Variants in ZDHHC13 observed in about 807,000 individuals in gnomAD.
ZDHHC13 encodes palmitoyltransferase ZDHHC13.
In ZDHHC13, 85 loss-of-function variants were observed where a neutral mutation model predicts 86.0. The observed-to-expected ratio is 0.99, with a 90% confidence interval of 0.83 to 1.18. ZDHHC13 has a LOEUF of 1.18. Among genes scored for constraint, ZDHHC13 ranks in the 50% most tolerant of loss-of-function variants. The pLI, the probability that ZDHHC13 is intolerant of heterozygous loss-of-function variation, is 0.00. For synonymous variants in ZDHHC13, 263 were observed against 246.4 expected, an observed-to-expected ratio of 1.07 and a Z score of -0.63; for missense variants, 711 against 730.2, an observed-to-expected ratio of 0.97 and a Z score of 0.30.
intron 5 of ZDHHC13, 34 bp downstream of exon 5, chr11:19,149,365 T>A: frequency 6.6e-7 from 1 of 1,505,576 alleles, no homozygotes; most frequent in Non-Finnish European, 9.0e-7. Context: ...ACTCCAGTTT[T>A]TATCATCTGA....
chr11:19,158,910 A>G, intron 9 of ZDHHC13, 30 bp from the exon 10 acceptor site: 1 of 1,376,906 alleles, frequency 7.3e-7, no homozygotes, highest in Non-Finnish European at 9.9e-7. Context: ...AAGTCATACT[A>G]ATAACTTATA....
chr11:19,141,093 A>G (rs891187817), intron 1 of ZDHHC13, among the ~76,000 whole-genome samples: 6 of 151,936 alleles, frequency 3.9e-5, no homozygotes, highest in African/African-American at 1.4e-4. Context: ...AAGAAAAAAA[A>G]GTACTGATTC....
At position 19,162,725 on chromosome 11, in the gene ZDHHC13, G is replaced by A. The variant is rs1198695313; in HGVS notation, c.1109-578G>A. Among the ~76,000 whole-genome samples, 4 of 152,136 alleles carry A rather than the reference G, an allele frequency of 2.6e-5. No homozygotes were observed. The South Asian group carries it at 6.2e-4, about 24-fold the overall frequency. The stretch of plus-strand genomic sequence containing the variant: ...AAAATTCAGTCAGCTCAGCGTGCAG[G>A]ATCATTGCATTATGAAACTGAACGT... On this transcript the variant is annotated intron_variant, in intron 10 of 16. Transcript: ENST00000446113.
chr11:19,135,293 G>A (rs1849106283), intron 1 of ZDHHC13, among the ~76,000 whole-genome samples: 3 of 152,222 alleles, frequency 2.0e-5, no homozygotes. Context: ...CCCTTTCCTA[G>A]TCAAAGAAAG....
At chr11:19,139,622 AAAG>A (rs1849250305) in intron 1 of ZDHHC13, among the ~76,000 whole-genome samples, 1 of 151,536 alleles carries the variant, frequency 6.6e-6, no homozygotes, top group African/African-American at 2.4e-5. Context: ...TCCTAAGCCA[AAAG>A]AACAAAGCTG....
In ZDHHC13 at chr11:19,176,184, C is replaced by A; in HGVS notation, c.*224C>A. ...CTTGGCAGACATCTAAAAAAAAAAC[C>A]ATATTTTTCACAAGAAAATGCAAGT... is the stretch of plus-strand genomic sequence containing the variant. On this transcript the variant is annotated 3_prime_UTR_variant, in exon 17 of 17. Coordinates refer to ENST00000446113, the MANE Select transcript of ZDHHC13 (RefSeq NM_019028.3). The A allele has an allele frequency of 2.8e-6, 1 of 363,388 alleles. No individual in the cohort carries two copies. Among genetic ancestry groups the A allele is most frequent in the South Asian group, 9.2e-5 (1 of 10,860 alleles). The allele number at this position is 363,388 out of a possible 1,614,324, so 22.5% of individuals were successfully genotyped here.
chr11:19,146,254 G>T lies in ZDHHC13; in HGVS notation c.247G>T (p.Val83Leu), dbSNP rs376945349. ...YDVRQPDKEN[V>L]SLLHWAAINN... Reference sequence around the variant, plus strand: ...TGTCAGGCAACCAGATAAAGAAAATGTGTCGCTTCTTCATTGGGCTGCTAT... The same window carrying T: ...TGTCAGGCAACCAGATAAAGAAAATTTGTCGCTTCTTCATTGGGCTGCTAT... The change falls in exon 3 of 17, where the codon GTG becomes TTG. Residue 83 changes from valine to leucine, a missense_variant. Physicochemically the swap from Val to Leu is conservative, Grantham distance 32 (BLOSUM62 1). Transcript: ENST00000446113. 1 of 1,613,144 alleles carries T rather than the reference G, an allele frequency of 6.2e-7. No individual in the cohort carries two copies. The highest frequency in any genetic ancestry group is 8.5e-7 in the Non-Finnish European group (1 of 1,179,522).
At chr11:19,168,122 A>G (rs1475769623) in intron 14 of ZDHHC13, 1 of 152,190 alleles carries the variant, frequency 6.6e-6, no homozygotes, top group East Asian at 1.9e-4. Flanking sequence ...AAAACTTCTT[A>G]GATTATGTCT....
chr11:19,164,908 C>CA (rs1850014959), intron 12 of ZDHHC13, 144 bp from the exon 13 acceptor site: 1 of 639,542 alleles, frequency 1.6e-6, no homozygotes, highest in African/African-American at 1.8e-5. Flanking sequence ...ACTAATAAGG[C>CA]ATTCCACAGC....
At chr11:19,152,352 T>A in intron 7 of ZDHHC13, 32 bp downstream of exon 7, 2 of 1,602,318 alleles carry the variant, frequency 1.2e-6, no homozygotes, top group Non-Finnish European at 1.7e-6. Flanking sequence ...CCTTAGTTTA[T>A]TATATCTTGA....
At position 19,142,298 on chromosome 11, in the gene ZDHHC13, C is replaced by A. The variant is rs77645988; in HGVS notation, c.28-680C>A. Among the ~76,000 whole-genome samples, 678 of 152,264 alleles carry A rather than the reference C, an allele frequency of 4.5e-3. 5 individuals are homozygous for A. The highest frequency in any genetic ancestry group is 0.016 in the African/African-American group (646 of 41,536). ...GTTATGTGGCTCTCTCACAGGCCCTCGCATATCATGGCAGCTTACTTTTTC... is the reference window on the plus strand; with the variant it reads ...GTTATGTGGCTCTCTCACAGGCCCTAGCATATCATGGCAGCTTACTTTTTC... On this transcript the variant is annotated intron_variant, in intron 1 of 16. Transcript: ENST00000446113.
At chr11:19,171,741 C>A (rs1170844269) in intron 15 of ZDHHC13, among the ~76,000 whole-genome samples, 1 of 152,028 alleles carries the variant, frequency 6.6e-6, no homozygotes, top group Non-Finnish European at 1.5e-5. Flanking sequence ...ATGATAATAT[C>A]CTTAATTTTT....
chr11:19,139,318 C>T (rs1414801729), intron 1 of ZDHHC13, among the ~76,000 whole-genome samples: 1 of 152,026 alleles, frequency 6.6e-6, no homozygotes, highest in Non-Finnish European at 1.5e-5. Flanking sequence ...TTCACAATTG[C>T]TTCAAAGAGA....
intron 4 of ZDHHC13, 67 bp from the exon 5 acceptor site, chr11:19,149,116 AATAT>A (rs1193813909): frequency 7.7e-7 from 1 of 1,298,064 alleles, no homozygotes; most frequent in Non-Finnish European, 1.0e-6. Context: ...ATGTCTTAGG[AATAT>A]CAGTCTCTCC....
At chr11:19,151,090 A>G (rs756577214) in intron 6 of ZDHHC13, among the ~76,000 whole-genome samples, 1 of 151,982 alleles carries the variant, frequency 6.6e-6, no homozygotes, top group Non-Finnish European at 1.5e-5. Flanking sequence ...CATGACTTGT[A>G]TTTCTTCCTT....
chr11:19,151,075 GT>G, intron 6 of ZDHHC13, among the ~76,000 whole-genome samples: 2 of 152,046 alleles, frequency 1.3e-5, no homozygotes, highest in Admixed American at 1.3e-4. Context: ...AAATATACTT[GT>G]TAACATGACT....
chr11:19,142,017 T>G (rs1447965927), intron 1 of ZDHHC13, among the ~76,000 whole-genome samples: 1 of 152,150 alleles, frequency 6.6e-6, no homozygotes, highest in Non-Finnish European at 1.5e-5. Flanking sequence ...TTTAACCAAC[T>G]GAGCTAGCAC....
chr11:19,141,210 T>G (rs1441561969), intron 1 of ZDHHC13, among the ~76,000 whole-genome samples: 1 of 152,172 alleles, frequency 6.6e-6, no homozygotes, highest in East Asian at 1.9e-4. Flanking sequence ...GAAATCTGAA[T>G]AGCCTATGAG....
At chr11:19,139,597 G>T (rs1457661457) in intron 1 of ZDHHC13, among the ~76,000 whole-genome samples, 1 of 150,318 alleles carries the variant, frequency 6.7e-6, no homozygotes, top group Admixed American at 6.7e-5. Flanking sequence ...AAAAGAGCCC[G>T]CATCGCCAAG....
Sources: allele counts gnomAD v4.1 joint callset (sites outside exome capture counted in the v4.1 genomes callset), GRCh38; gene constraint gnomAD v4.1.1; transcripts MANE v1.5; gene names NCBI Gene and HGNC (gene_info 2026-07-23, HGNC 2026-07-21).